Variants in TRAK1 observed in about 807,000 individuals in gnomAD.
TRAK1 encodes trafficking kinesin-binding protein 1.
Under a neutral mutation model 92.1 loss-of-function variants are expected in TRAK1, and 33 were observed. That is an observed-to-expected ratio of 0.36 (90% CI 0.27 to 0.48). TRAK1 has a LOEUF of 0.48. TRAK1 is among the 20% of genes least tolerant of loss of function. The pLI, the probability that TRAK1 is intolerant of heterozygous loss-of-function variation, is 0.99. For synonymous variants in TRAK1, 521 were observed against 517.3 expected, an observed-to-expected ratio of 1.01 and a Z score of -0.10; for missense variants, 1,123 against 1,257.9, an observed-to-expected ratio of 0.89 and a Z score of 1.62.
chr3:42,207,497 A>G (rs1183348175), intron 13 of TRAK1, among the ~76,000 whole-genome samples: 1 of 152,182 alleles, frequency 6.6e-6, no homozygotes, highest in Non-Finnish European at 1.5e-5. Flanking sequence ...CTATGCCACC[A>G]CTAATTAAGT....
Position 42,223,680 on chromosome 3 carries a change from T to C in TRAK1, c.2805T>C (p.Thr935=). 6.2e-7 allele frequency: 1 copy of C among 1,613,882 alleles called. No homozygotes were observed. The highest frequency in any genetic ancestry group is 2.2e-5 in the East Asian group (1 of 44,836). Residue 935 remains threonine (T), a synonymous_variant, in exon 16 of 16, where the codon ACT becomes ACC. Transcript: ENST00000327628. The surrounding 1 kb of genome is among the most constrained non-coding windows in gnomAD (Gnocchi z 6.1). ...GSSMQMKAPV[T]LTSGILMGAK... ...GCATGCAGATGAAAGCTCCTGTGAC[T>C]CTCACCTCGGGCATCTTGATGGGTG...
intron 2 of TRAK1, among the ~76,000 whole-genome samples, chr3:42,136,678 T>G (rs1347726898): frequency 1.3e-5 from 2 of 150,496 alleles, no homozygotes; most frequent in Non-Finnish European, 1.5e-5. Context: ...ATAACATTTC[T>G]TTTCTTTCTT....
In TRAK1 at chr3:42,189,003, C is replaced by CT. The variant is rs1705290021; in HGVS notation, c.582-10dup. The CT allele has an allele frequency of 6.3e-7, 1 of 1,594,988 alleles. No homozygotes were observed. The highest frequency in any genetic ancestry group is 1.3e-5 in the African/African-American group (1 of 74,510). On this transcript the variant is annotated splice_polypyrimidine_tract_variant and intron_variant, in intron 5 of 15. Transcript: ENST00000327628. Reference sequence around the variant, plus strand: ...TGCGTCTCCCTAGGTTGTGAGCGTACTTTCTCCCCCAGGTTGAAGAGGAAT... The same window carrying CT: ...TGCGTCTCCCTAGGTTGTGAGCGTACTTTTCTCCCCCAGGTTGAAGAGGAAT...
At chr3:42,221,486 A>C (rs1710342441) in intron 15 of TRAK1, among the ~76,000 whole-genome samples, 1 of 152,080 alleles carries the variant, frequency 6.6e-6, no homozygotes, top group Non-Finnish European at 1.5e-5. Context: ...CGTGTTTCCC[A>C]CGAGGGAGGG....
At chr3:42,219,811 T>A (rs997759494) in intron 15 of TRAK1, among the ~76,000 whole-genome samples, 2 of 138,942 alleles carry the variant, frequency 1.4e-5, no homozygotes, top group African/African-American at 6.0e-5. Context: ...TTTTTTTTTT[T>A]TTGAGGCAGA....
intron 1 of TRAK1, among the ~76,000 whole-genome samples, chr3:42,105,771 A>G (rs1276272497): frequency 6.6e-6 from 1 of 152,206 alleles, no homozygotes; most frequent in Non-Finnish European, 1.5e-5. Context: ...GCCAGAGAGA[A>G]AGGTCGGGTT....
chr3:42,048,475 C>G (rs1702846879), intron 1 of TRAK1, among the ~76,000 whole-genome samples: 1 of 152,054 alleles, frequency 6.6e-6, no homozygotes, highest in Non-Finnish European at 1.5e-5. Context: ...CTGCTCTACT[C>G]TTAGTCTTGT....
chr3:42,087,097 C>T (rs1704716901), upstream of TRAK1: 3 of 152,544 alleles, frequency 2.0e-5, no homozygotes, highest in African/African-American at 7.2e-5. Flanking sequence ...TTTCAATTGT[C>T]CCATAGATTC....
At chr3:42,075,171 A>T (rs1053878442) in intron 1 of TRAK1, among the ~76,000 whole-genome samples, 8 of 151,850 alleles carry the variant, frequency 5.3e-5, no homozygotes, top group Non-Finnish European at 1.2e-4. Flanking sequence ...TTTAAAAAAA[A>T]TTTTAATTAA....
At chr3:42,017,634 A>T (rs1481671798) in intron 1 of TRAK1, among the ~76,000 whole-genome samples, 1 of 152,214 alleles carries the variant, frequency 6.6e-6, no homozygotes. Flanking sequence ...GTAAAACTGG[A>T]TGTCTCCTGA....
chr3:42,106,128 C>G, intron 1 of TRAK1, among the ~76,000 whole-genome samples: 1 of 152,136 alleles, frequency 6.6e-6, no homozygotes, highest in Non-Finnish European at 1.5e-5. Context: ...GCAAAATAAC[C>G]AGCTAACATC....
At chr3:42,139,429 A>G (rs1698390723) in intron 2 of TRAK1, among the ~76,000 whole-genome samples, 1 of 152,134 alleles carries the variant, frequency 6.6e-6, no homozygotes, top group Non-Finnish European at 1.5e-5. Context: ...GCCTCCACCC[A>G]GGTGTGGGCC....
rs181080337 is a variant in TRAK1 at position 42,022,913 on chromosome 3, C to T, written c.-519+8796C>T. Among the ~76,000 whole-genome samples the T allele has an allele frequency of 1.7e-3, 263 of 151,962 alleles. 1 individual carries two copies. The highest frequency in any genetic ancestry group is 2.9e-3 in the Non-Finnish European group (195 of 67,972). ...GTGGCTCACACCTGTAATCCCAGCA[C>T]TTTGGGAGGCTGAGGCTGGCGGATC... On this transcript the variant is annotated intron_variant, in intron 1 of 16. Transcript: ENST00000487159.
intron 6 of TRAK1, 39 bp downstream of exon 6, chr3:42,189,163 T>A (rs73828591): frequency 0.066 from 98,912 of 1,497,934 alleles, 3,593 homozygotes; most frequent in Middle Eastern, 0.079. Context: ...GCTAGAAGGG[T>A]GGTGGCCCCA....
rs1193284077 is a variant in TRAK1, at chr3:42,125,572, G to A, written c.244G>A (p.Asp82Asn). ...TCTCATTTCTCCAGATGCCAACATTGACCTCACAACCGAGCAAATTGAAGA... is the reference window on the plus strand; with the variant it reads ...TCTCATTTCTCCAGATGCCAACATTAACCTCACAACCGAGCAAATTGAAGA... ...TPLISPDANIDLTTEQIEETL... is the reference protein window; with the variant it reads ...TPLISPDANINLTTEQIEETL... The change falls in exon 2 of 16, where the codon GAC becomes AAC. Residue 82 changes from aspartate (D) to asparagine (N), a missense_variant. By Grantham distance (23) the Asp-to-Asn change is conservative. Transcript: ENST00000327628. The A allele has an allele frequency of 6.2e-7, 1 of 1,614,174 alleles. No individual in the cohort carries two copies. The highest frequency in any genetic ancestry group is 8.5e-7 in the Non-Finnish European group (1 of 1,180,016).
intron 1 of TRAK1, among the ~76,000 whole-genome samples, chr3:42,059,258 T>C (rs942534075): frequency 2.5e-4 from 38 of 152,086 alleles, no homozygotes; most frequent in Admixed American, 1.2e-3. Context: ...TATGTCTGGC[T>C]AATTTTAAAA....
chr3:42,140,595 C>T (rs1403473263), intron 2 of TRAK1, among the ~76,000 whole-genome samples: 5 of 152,176 alleles, frequency 3.3e-5, no homozygotes, highest in Admixed American at 3.3e-4. Context: ...CCGCTGCACT[C>T]CAGCCTGGGC....
rs1240760299 is a variant in TRAK1 at position 42,202,691 on chromosome 3, C to A, written c.1683C>A (p.Gly561=). The A allele has an allele frequency of 1.9e-6, 3 of 1,613,678 alleles. No individual in the cohort carries two copies. Among genetic ancestry groups the A allele is most frequent in the Non-Finnish European group, 2.5e-6 (3 of 1,179,914 alleles). ...TCTCCGAGTTCACCGGCTTCTCTGG[C>A]ATGTCCTTCAGCAGCCGCTCCTACC... is the stretch of plus-strand genomic sequence containing the variant. ...SRFSEFTGFS[G]MSFSSRSYLP... The change falls in exon 13 of 16, where the codon GGC becomes GGA. Residue 561 remains glycine, a synonymous_variant. Transcript: ENST00000327628. The surrounding 1 kb of genome is among the most constrained non-coding windows in gnomAD (Gnocchi z 6.1).
chr3:42,031,538 G>A (rs1015268953), intron 1 of TRAK1, among the ~76,000 whole-genome samples: 53 of 152,096 alleles, frequency 3.5e-4, no homozygotes, highest in Non-Finnish European at 5.1e-4. Flanking sequence ...GGGGCTGAGG[G>A]AGGAGAATCA....
Sources: gnomAD v4.1 joint callset for allele counts (sites outside exome capture counted in the v4.1 genomes callset) on GRCh38, gnomAD v4.1.1 for gene constraint, Gnocchi (gnomAD v3.1) non-coding constraint, MANE v1.5 for transcripts, NCBI Gene and HGNC (gene_info 2026-07-23, HGNC 2026-07-21) for gene names.